Variants in PREP observed in about 807,000 individuals in gnomAD.
PREP encodes prolyl endopeptidase.
In PREP, 29 loss-of-function variants were observed where a neutral mutation model predicts 87.6. The ratio of observed to expected loss-of-function variants is 0.33; its 90% CI spans 0.25 to 0.45. PREP has a LOEUF of 0.45. Ranked by LOEUF, PREP falls within the 20% of genes least tolerant of loss-of-function variation. The probability of loss-of-function intolerance (pLI) is 1.00; values close to 1 mark genes in which losing one functional copy is unlikely to be tolerated. For missense variants in PREP, 695 were observed against 886.5 expected (o/e 0.78, Z 2.74); for synonymous variants, 337 against 328.6 (o/e 1.03, Z -0.28).
At chr6:105,338,923 A>C (rs1046720168) in intron 7 of PREP, among the ~76,000 whole-genome samples, 1 of 152,212 alleles carries the variant, frequency 6.6e-6, no homozygotes, top group Non-Finnish European at 1.5e-5. Flanking sequence ...CCACAGCTCA[A>C]GGAGGCCTGC....
intron 6 of PREP, among the ~76,000 whole-genome samples, chr6:105,361,186 T>C (rs781387400): frequency 6.6e-6 from 1 of 152,162 alleles, no homozygotes; most frequent in African/African-American, 2.4e-5. Flanking sequence ...TTCTTCATAT[T>C]AAGAGACAAT....
intron 5 of PREP, among the ~76,000 whole-genome samples, chr6:105,371,730 A>G (rs901209384): frequency 6.6e-6 from 1 of 152,122 alleles, no homozygotes; most frequent in Non-Finnish European, 1.5e-5. Flanking sequence ...TTTCAGGGAC[A>G]CTGGTAAGAA....
chr6:105,381,615 G>A lies in PREP; in HGVS notation c.121-4096C>T, dbSNP rs111483114. Among the ~76,000 whole-genome samples the A allele has an allele frequency of 7.6e-3, 1,152 of 152,272 alleles. 14 individuals are homozygous for A. Among genetic ancestry groups the A allele is most frequent in the African/African-American group, 0.025 (1,039 of 41,530 alleles). On this transcript the variant is annotated intron_variant, in intron 2 of 14. Coordinates refer to ENST00000652536, the MANE Select transcript of PREP (RefSeq NM_002726.5). The stretch of plus-strand genomic sequence containing the variant: ...TGAAAGCCCTGATGCACGCAGCTGA[G>A]CTTCTAAAGAGAGTCAACAGTTTAG...
intron 9 of PREP, among the ~76,000 whole-genome samples, chr6:105,326,299 A>G (rs1160522944): frequency 6.6e-6 from 1 of 152,150 alleles, no homozygotes; most frequent in African/African-American, 2.4e-5. Context: ...CCAAGGTTCC[A>G]CAAGTACAGA....
At chr6:105,357,880 G>A (rs988180809) in intron 6 of PREP, among the ~76,000 whole-genome samples, 2 of 151,086 alleles carry the variant, frequency 1.3e-5, no homozygotes, top group South Asian at 4.2e-4. Flanking sequence ...TTAGGCCTTC[G>A]TGGAACAGTT....
chr6:105,345,902 CATAAACA>C (rs1388344903), intron 7 of PREP, among the ~76,000 whole-genome samples: 4 of 152,190 alleles, frequency 2.6e-5, no homozygotes, highest in Admixed American at 1.3e-4. Flanking sequence ...GGAAATGTTA[CATAAACA>C]GTATTAACTA....
chr6:105,355,949 T>C (rs1398071885), intron 6 of PREP, among the ~76,000 whole-genome samples: 1 of 152,192 alleles, frequency 6.6e-6, no homozygotes, highest in Non-Finnish European at 1.5e-5. Flanking sequence ...GTTCATTATA[T>C]TAACACTTAG....
chr6:105,321,844 G>A (rs1771019124), intron 10 of PREP, among the ~76,000 whole-genome samples: 1 of 152,158 alleles, frequency 6.6e-6, no homozygotes. Flanking sequence ...CCCCCTCATA[G>A]ACATGAGAAG....
At chr6:105,282,629 A>C in intron 12 of PREP, 47 bp from the exon 13 acceptor site, 1 of 1,593,072 alleles carries the variant, frequency 6.3e-7, no homozygotes, top group Non-Finnish European at 8.6e-7. Context: ...AAACATAAAA[A>C]TAAGTTTAAT....
At chr6:105,313,995 A>G (rs988806460) in intron 10 of PREP, among the ~76,000 whole-genome samples, 2 of 152,244 alleles carry the variant, frequency 1.3e-5, no homozygotes, top group Non-Finnish European at 2.9e-5. Context: ...TAGATACTGT[A>G]GCTCAGGTCC....
chr6:105,295,308 C>T (rs573818152), intron 10 of PREP, among the ~76,000 whole-genome samples: 6 of 152,132 alleles, frequency 3.9e-5, no homozygotes, highest in East Asian at 1.9e-4. Flanking sequence ...AAAGGAGGAT[C>T]GCCCTGTCTT....
At chr6:105,331,793 C>T (rs1771342842) in intron 8 of PREP, among the ~76,000 whole-genome samples, 1 of 152,130 alleles carries the variant, frequency 6.6e-6, no homozygotes, top group Non-Finnish European at 1.5e-5. Context: ...AAATAAGGGT[C>T]AGAATGTGAA....
chr6:105,303,112 C>CACGT (rs1770578280), intron 10 of PREP, among the ~76,000 whole-genome samples: 1 of 150,664 alleles, frequency 6.6e-6, no homozygotes, highest in African/African-American at 2.5e-5. Context: ...AAATGAAGTC[C>CACGT]ATGTATGTAT....
Position 105,273,684 on chromosome 6 carries a change from C to T in PREP, c.*4460G>A, listed in dbSNP as rs981752739. On this transcript the variant is annotated 3_prime_UTR_variant, in exon 15 of 15. Transcript: ENST00000652536. ...ACCACCCCGCTTTTCCCTAGGCTCT[C>T]CTGCTGTCAGTTTCCCACAGTGTTG... The T allele has an allele frequency of 4.6e-5, 7 of 152,458 alleles. No individual in the cohort carries two copies. The highest frequency in any genetic ancestry group is 3.3e-4 in the Admixed American group (5 of 15,306). The allele number at this position is 152,458 out of a possible 1,614,324, so 9.4% of individuals were successfully genotyped here. A position where few individuals can be genotyped will look rare whatever the true frequency, so the allele number is the denominator to read the frequency against.
chr6:105,397,394 T>G (rs1562230958), intron 2 of PREP, among the ~76,000 whole-genome samples: 1 of 152,166 alleles, frequency 6.6e-6, no homozygotes, highest in African/African-American at 2.4e-5. Flanking sequence ...TACTTAGCTT[T>G]TGTTTCACTG....
chr6:105,323,798 C>T (rs1410160328), intron 9 of PREP, 30 bp from the exon 10 acceptor site: 2 of 1,547,030 alleles, frequency 1.3e-6, no homozygotes, highest in African/African-American at 1.4e-5. Context: ...TTGGTTTAGT[C>T]TACGGGACTC....
In PREP at chr6:105,333,437, T is replaced by C; in HGVS notation, c.892A>G (p.Thr298Ala). 6.2e-7 allele frequency: 1 copy of C among 1,614,212 alleles called. No homozygotes were observed. The highest frequency in any genetic ancestry group is 1.3e-5 in the African/African-American group (1 of 75,062). ...GEYDYVTNEG[T>A]VFTFKTNRQS... ...CGATTCGTCTTGAATGTGAACACCG[T>C]CCCCTCATTGGTCACGTAGTCATAT... Residue 298 changes from threonine (T) to alanine (A), a missense_variant, in exon 8 of 15, where the codon ACG becomes GCG. By Grantham distance (58) the Thr-to-Ala change is moderately conservative (BLOSUM62 0). Around this residue, in one of 5 missense-constraint regions of PREP, gnomAD observed 517 missense variants for 620.3 expected, o/e 0.83. Transcript: ENST00000652536.
At chr6:105,328,156 A>G (rs1259516044) in intron 9 of PREP, among the ~76,000 whole-genome samples, 1 of 152,218 alleles carries the variant, frequency 6.6e-6, no homozygotes, top group Admixed American at 6.5e-5. Flanking sequence ...TATTCCAGAA[A>G]ACATTTTTTG....
In PREP at chr6:105,276,874, A is replaced by G. The variant is rs1159466911; in HGVS notation, c.*1270T>C. Among the ~76,000 whole-genome samples the G allele has an allele frequency of 1.3e-5, 2 of 152,206 alleles. No homozygotes were observed. The highest frequency in any genetic ancestry group is 4.8e-5 in the African/African-American group (2 of 41,464). On this transcript the variant is annotated 3_prime_UTR_variant, in exon 15 of 15. Coordinates refer to ENST00000652536, the MANE Select transcript of PREP (RefSeq NM_002726.5). Reference sequence around the variant, plus strand: ...AGCACATACATATACAACTTGGAAGATGGGACTTACTTGGAAAAGTACAAA... The same window carrying G: ...AGCACATACATATACAACTTGGAAGGTGGGACTTACTTGGAAAAGTACAAA...
Sources: allele counts gnomAD v4.1 joint callset (sites outside exome capture counted in the v4.1 genomes callset), GRCh38; gene constraint gnomAD v4.1.1; regional missense constraint gnomAD v4.1.1; transcripts MANE v1.5; gene names NCBI Gene and HGNC (gene_info 2026-07-23, HGNC 2026-07-21).